Variants in TSPEAR observed in about 807,000 individuals in gnomAD.
TSPEAR encodes thrombospondin-type laminin G domain and EAR repeat-containing protein.
In TSPEAR, 69 loss-of-function variants were observed where a neutral mutation model predicts 71.6. The observed-to-expected ratio is 0.96, with a 90% CI of 0.79 to 1.18. The LOEUF is 1.18. TSPEAR is among the 50% of genes most tolerant of loss of function. The pLI is 0.00. For synonymous variants in TSPEAR, 402 were observed against 387.2 expected, an observed-to-expected ratio of 1.04 and a Z score of -0.45; for missense variants, 971 against 894.9, an observed-to-expected ratio of 1.09 and a Z score of -1.09.
intron 1 of TSPEAR, among the ~76,000 whole-genome samples, chr21:44,572,883 ACACG>A: frequency 7.0e-6 from 1 of 143,418 alleles, no homozygotes; most frequent in South Asian, 2.3e-4. Context: ...ACACACACAC[ACACG>A]GAGAAGCTGT....
chr21:44,638,357 C>A, intron 1 of TSPEAR: 1 of 364,750 alleles, frequency 2.7e-6, no homozygotes, highest in East Asian at 4.6e-5. Flanking sequence ...AGCTACTCCC[C>A]CAGACCCAAG....
chr21:44,601,733 G>A, intron 1 of TSPEAR: 1 of 1,609,446 alleles, frequency 6.2e-7, no homozygotes, highest in South Asian at 1.1e-5. Context: ...TCCAGCTGCT[G>A]AGTGATCTCC....
At chr21:44,617,780 A>G (rs442600) in intron 1 of TSPEAR, among the ~76,000 whole-genome samples, 140,684 of 152,214 alleles carry the variant, frequency 0.92, 65,098 homozygotes, top group Middle Eastern at 0.95. Context: ...TGTCTGCAAC[A>G]CCAGGTGGAT....
intron 1 of TSPEAR, chr21:44,601,928 T>G: frequency 1.2e-6 from 1 of 822,212 alleles, no homozygotes. Flanking sequence ...TTTCCCCCAA[T>G]TACCCAGCCC....
intron 1 of TSPEAR, among the ~76,000 whole-genome samples, chr21:44,614,380 G>A (rs1295841757): frequency 3.9e-5 from 6 of 152,230 alleles, no homozygotes; most frequent in African/African-American, 9.6e-5. Flanking sequence ...GAGGGAGCCC[G>A]GCTCCACAAG....
intron 2 of TSPEAR, chr21:44,539,341 G>A: frequency 1.9e-6 from 3 of 1,612,308 alleles, no homozygotes; most frequent in Non-Finnish European, 2.5e-6. Context: ...GGCAGAGGAG[G>A]GACACGCAGG....
chr21:44,579,803 G>A (rs1569198685), intron 1 of TSPEAR: 2 of 1,609,634 alleles, frequency 1.2e-6, no homozygotes, highest in Non-Finnish European at 1.7e-6. Flanking sequence ...GCAGAGGAGG[G>A]ACACGCAGGA....
At chr21:44,696,421 CTTCA>C (rs1569264732) in intron 1 of TSPEAR, among the ~76,000 whole-genome samples, 1 of 152,170 alleles carries the variant, frequency 6.6e-6, no homozygotes, top group African/African-American at 2.4e-5. Context: ...TGCACAAGTT[CTTCA>C]TTGTGACTCA....
At chr21:44,694,879 C>T (rs535374377) in intron 1 of TSPEAR, among the ~76,000 whole-genome samples, 2 of 152,304 alleles carry the variant, frequency 1.3e-5, no homozygotes, top group South Asian at 4.1e-4. Context: ...GCATGAAGAT[C>T]GAATAAACCT....
intron 1 of TSPEAR, among the ~76,000 whole-genome samples, chr21:44,602,782 C>A (rs1329322836): frequency 6.6e-6 from 1 of 152,158 alleles, no homozygotes; most frequent in Non-Finnish European, 1.5e-5. Flanking sequence ...CCTGCGTGAC[C>A]CCCACCCCAG....
Position 44,539,466 on chromosome 21 carries a change from AG to A in TSPEAR, c.304-5544del, listed in dbSNP as rs1555916839. ...CGGCAGAGGAGGGACACGGAGGAGG[AG>A]GGTCTGCAGCAGGAGGTGGTGCAGC... On this transcript the variant is annotated intron_variant, in intron 2 of 11. Transcript: ENST00000323084. 22 of 1,613,068 alleles carry A rather than the reference AG, an allele frequency of 1.4e-5. No homozygotes were observed. In the African/African-American group the frequency reaches 2.7e-4, roughly 20 times the overall value.
At chr21:44,657,256 T>C (rs186580568) in intron 1 of TSPEAR, among the ~76,000 whole-genome samples, 2 of 152,376 alleles carry the variant, frequency 1.3e-5, no homozygotes, top group Non-Finnish European at 2.9e-5. Context: ...GCTAGAATGC[T>C]CTTGAGGCCA....
At chr21:44,618,238 A>G (rs1215994611) in intron 1 of TSPEAR, among the ~76,000 whole-genome samples, 2 of 152,220 alleles carry the variant, frequency 1.3e-5, no homozygotes, top group African/African-American at 4.8e-5. Flanking sequence ...TTTATAAAGC[A>G]GTTTTCCCTG....
Position 44,521,935 on chromosome 21 carries a change from G to C in TSPEAR, c.1514C>G (p.Ser505Trp), listed in dbSNP as rs782338346. ...TFNGTSTKVH[S>W]HLYIRLLGSF... ...GCCCAGGAGTCGGATGTAGAGGTGC[G>C]AGTGCACCTTGGTGGAGGTGCCGTT... Residue 505 changes from serine (S) to tryptophan (W), a missense_variant, in exon 9 of 12, where the codon TCG becomes TGG. By Grantham distance (177) the Ser-to-Trp change is radical (BLOSUM62 -3). Transcript: ENST00000323084. The C allele has an allele frequency of 4.3e-6, 7 of 1,614,072 alleles. 2 individuals carry two copies. The South Asian group carries it at 6.6e-5, about 15-fold the overall frequency.
In TSPEAR at chr21:44,593,417, C is replaced by T. The variant is rs1240818165; in HGVS notation, c.83-25412G>A. Among the ~76,000 whole-genome samples, 2 of 152,188 alleles carry T rather than the reference C, an allele frequency of 1.3e-5. No individual in the cohort carries two copies. Among genetic ancestry groups the T allele is most frequent in the Middle Eastern group, 3.2e-3 (1 of 316 alleles). On this transcript the variant is annotated intron_variant, in intron 1 of 11. Coordinates refer to ENST00000323084, the MANE Select transcript of TSPEAR (RefSeq NM_144991.3). The surrounding 1 kb of genome is among the most constrained non-coding windows in gnomAD (Gnocchi z 5.9). ...GGGACATCTGTCCAAAGAACCCGCA[C>T]AGAAGACACAAAATGGGTCCATGAG...
At chr21:44,622,152 C>T (rs1465626364) in intron 1 of TSPEAR, among the ~76,000 whole-genome samples, 2 of 152,178 alleles carry the variant, frequency 1.3e-5, no homozygotes, top group Admixed American at 6.5e-5. Flanking sequence ...CAGGGCAATA[C>T]AAACTTAAAC....
At chr21:44,638,132 G>C (rs1555937634) in intron 1 of TSPEAR, 1 of 1,612,784 alleles carries the variant, frequency 6.2e-7, no homozygotes, top group African/African-American at 1.3e-5. Flanking sequence ...CTCCCGCCCT[G>C]CCTGCTACAG....
Position 44,630,699 on chromosome 21 carries a change from G to A in TSPEAR, c.83-62694C>T, listed in dbSNP as rs140809560. On this transcript the variant is annotated intron_variant, in intron 1 of 11. Transcript: ENST00000323084. ...GCAGGAAGTGAAGGGGAAGTGAAGG[G>A]GAAGGCAGTCGCAAACCGCCCAGGT... Among the ~76,000 whole-genome samples, 387 of 151,906 alleles carry A rather than the reference G, an allele frequency of 2.5e-3. 4 individuals carry two copies. The highest frequency in any genetic ancestry group is 8.2e-3 in the African/African-American group (341 of 41,368).
At chr21:44,500,811 A>AT (rs782195011) in intron 11 of TSPEAR, among the ~76,000 whole-genome samples, 16 of 152,284 alleles carry the variant, frequency 1.1e-4, no homozygotes, top group South Asian at 2.1e-4. Flanking sequence ...TTAAAGACAC[A>AT]TTTTTTATTA....
Sources: gnomAD v4.1 joint callset for allele counts (sites outside exome capture counted in the v4.1 genomes callset) on GRCh38, gnomAD v4.1.1 for gene constraint, Gnocchi (gnomAD v3.1) non-coding constraint, MANE v1.5 for transcripts, NCBI Gene and HGNC (gene_info 2026-07-23, HGNC 2026-07-21) for gene names.